The following CAMSAP1 variants were observed in gnomAD, a reference collection of about 807,000 sequenced individuals.
CAMSAP1 encodes calmodulin-regulated spectrin-associated protein 1.
A neutral mutation model predicts 143.5 loss-of-function variants in CAMSAP1; 58 were observed. That is an observed-to-expected ratio of 0.40 (90% confidence interval 0.33 to 0.50). The LOEUF is 0.50. CAMSAP1 is among the 20% of genes least tolerant of loss of function. CAMSAP1 has a pLI of 0.45. For missense variants in CAMSAP1, 1,969 were observed against 2,115.7 expected (o/e 0.93, Z 1.36); for synonymous variants, 945 against 859.3 (o/e 1.10, Z -1.74).
chr9:135,821,154 G>A lies in CAMSAP1; in HGVS notation c.3507C>T (p.Tyr1169=), dbSNP rs140270305. 5 of 1,612,170 alleles carry A rather than the reference G, an allele frequency of 3.1e-6. No individual in the cohort carries two copies. The highest frequency in any genetic ancestry group is 3.3e-5 in the Admixed American group (2 of 60,034). The change falls in exon 11 of 17, where the codon TAC becomes TAT. Residue 1169 remains tyrosine, a synonymous_variant. Coordinates refer to ENST00000389532, the MANE Select transcript of CAMSAP1 (RefSeq NM_015447.4). This position sits in a 1 kb window ranked among gnomAD's most constrained non-coding sequence, Gnocchi z 4.6. ...GCTGATTGCTTTCATCATGGAGCCTGTAACTGTCGAAGAGACACTTCCCAT... is the reference window on the plus strand; with the variant it reads ...GCTGATTGCTTTCATCATGGAGCCTATAACTGTCGAAGAGACACTTCCCAT... The part of the protein sequence containing the change: ...DPHGKCLFDS[Y]RLHDESNQRT...
intron 7 of CAMSAP1, among the ~76,000 whole-genome samples, chr9:135,837,952 C>T (rs1034376082): frequency 1.3e-5 from 2 of 149,952 alleles, no homozygotes; most frequent in African/African-American, 4.9e-5. Flanking sequence ...TCATCACACG[C>T]TTTCTACCCC....
intron 7 of CAMSAP1, among the ~76,000 whole-genome samples, chr9:135,840,584 G>C (rs941491249): frequency 6.6e-6 from 1 of 152,194 alleles, no homozygotes; most frequent in African/African-American, 2.4e-5. Context: ...GAAGGTGGCT[G>C]GCAAGATCAA....
chr9:135,893,546 G>C (rs1838354817), intron 1 of CAMSAP1, among the ~76,000 whole-genome samples: 1 of 152,206 alleles, frequency 6.6e-6, no homozygotes, highest in Non-Finnish European at 1.5e-5. Context: ...AGCATCCTGA[G>C]TGAAGAACAA....
intron 1 of CAMSAP1, among the ~76,000 whole-genome samples, chr9:135,889,044 A>G (rs1838214583): frequency 6.6e-6 from 1 of 152,168 alleles, no homozygotes; most frequent in Non-Finnish European, 1.5e-5. Flanking sequence ...GATCCCAGAG[A>G]AGAGGGGGCT....
At position 135,846,539 on chromosome 9, in the gene CAMSAP1, TAAAATA is replaced by T. The variant is rs377305984; in HGVS notation, c.1045+3592_1045+3597del. 4.2e-4 allele frequency among the ~76,000 whole-genome samples: 64 copies of T among 151,930 alleles called. No homozygotes were observed. In the East Asian group the frequency reaches 0.011, roughly 27 times the overall value. On this transcript the variant is annotated intron_variant, in intron 7 of 16. Transcript: ENST00000389532. ...GCCAAAACTGACAAATGGATCTAATTAAAATAAAGAGCTTCTGCACAGCAAAAGAAA... is the reference window on the plus strand; with the variant it reads ...GCCAAAACTGACAAATGGATCTAATTAAGAGCTTCTGCACAGCAAAAGAAA...
At chr9:135,847,339 A>G (rs546336751) in intron 7 of CAMSAP1, among the ~76,000 whole-genome samples, 2 of 152,308 alleles carry the variant, frequency 1.3e-5, no homozygotes, top group East Asian at 3.9e-4. Flanking sequence ...TGGGCAGCAG[A>G]GTGAGACTCT....
At chr9:135,856,569 G>GATGT (rs1836986578) in intron 5 of CAMSAP1, among the ~76,000 whole-genome samples, 2 of 152,166 alleles carry the variant, frequency 1.3e-5, no homozygotes, top group African/African-American at 4.8e-5. Context: ...CTATGACTAA[G>GATGT]AGGCTACAGC....
intron 3 of CAMSAP1, among the ~76,000 whole-genome samples, chr9:135,869,643 A>G (rs1296219393): frequency 6.6e-6 from 1 of 152,232 alleles, no homozygotes; most frequent in African/African-American, 2.4e-5. Flanking sequence ...TCAAAAAGCT[A>G]AACACAGAAT....
chr9:135,870,192 A>G (rs537055786), intron 3 of CAMSAP1, among the ~76,000 whole-genome samples: 2 of 152,118 alleles, frequency 1.3e-5, no homozygotes, highest in African/African-American at 2.4e-5. Context: ...TGAGGGAGGG[A>G]CGAGGTGGGA....
chr9:135,818,774 C>G lies in CAMSAP1; in HGVS notation c.3960-158G>C. ...AAGCGGGACACAGAGGCTGCAAAGGCAGTCCTGCAGATGACCCACCGAGGC... is the reference window on the plus strand; with the variant it reads ...AAGCGGGACACAGAGGCTGCAAAGGGAGTCCTGCAGATGACCCACCGAGGC... On this transcript the variant is annotated intron_variant, in intron 12 of 16. Coordinates refer to ENST00000389532, the MANE Select transcript of CAMSAP1 (RefSeq NM_015447.4). This position sits in a 1 kb window ranked among gnomAD's most constrained non-coding sequence, Gnocchi z 7.7. 6.5e-6 allele frequency: 7 copies of G among 1,081,162 alleles called. No individual in the cohort carries two copies. The highest frequency in any genetic ancestry group is 9.1e-6 in the Non-Finnish European group (7 of 769,482). The allele number at this position is 1,081,162 out of a possible 1,614,324, so 67.0% of individuals were successfully genotyped here.
chr9:135,836,858 T>C, intron 7 of CAMSAP1: 2 of 981,332 alleles, frequency 2.0e-6, no homozygotes, highest in Middle Eastern at 5.3e-4. Context: ...CATCATGCAC[T>C]TTCTACCCAT....
intron 1 of CAMSAP1, among the ~76,000 whole-genome samples, chr9:135,888,095 C>A (rs1838181340): frequency 1.3e-5 from 2 of 152,314 alleles, no homozygotes; most frequent in East Asian, 1.9e-4. Context: ...GGGCAGGGCC[C>A]AGCACAGCCA....
chr9:135,902,139 G>C (rs575089704), intron 1 of CAMSAP1, among the ~76,000 whole-genome samples: 1 of 152,204 alleles, frequency 6.6e-6, no homozygotes, highest in African/African-American at 2.4e-5. Flanking sequence ...GGACCAACTA[G>C]CAACTCCCAC....
chr9:135,881,927 T>G (rs1236440979), intron 2 of CAMSAP1, 133 bp from the exon 3 acceptor site: 2 of 1,129,440 alleles, frequency 1.8e-6, no homozygotes, highest in African/African-American at 3.1e-5. Context: ...GAAGAGATAC[T>G]CAGATTTGAG....
intron 16 of CAMSAP1, among the ~76,000 whole-genome samples, chr9:135,812,662 G>A (rs775533404): frequency 3.3e-5 from 5 of 152,190 alleles, no homozygotes; most frequent in African/African-American, 1.2e-4. Flanking sequence ...TACGGTATGT[G>A]AATGATATCT....
At chr9:135,838,403 ACAT>A (rs141442255) in intron 7 of CAMSAP1, among the ~76,000 whole-genome samples, 10,125 of 138,760 alleles carry the variant, frequency 0.073, 513 homozygotes, top group East Asian at 0.25. Context: ...CTACAGACAC[ACAT>A]CATCACGCAC....
intron 1 of CAMSAP1, among the ~76,000 whole-genome samples, chr9:135,901,600 G>A (rs1405475536): frequency 6.6e-6 from 1 of 152,120 alleles, no homozygotes; most frequent in Non-Finnish European, 1.5e-5. Flanking sequence ...GGGCAACAGA[G>A]CAAGACCCTG....
At chr9:135,857,159 C>A (rs1837008138) in intron 5 of CAMSAP1, among the ~76,000 whole-genome samples, 1 of 152,224 alleles carries the variant, frequency 6.6e-6, no homozygotes. Flanking sequence ...TGCTGGCCAC[C>A]CACTGGGTCC....
chr9:135,862,665 A>G (rs1837240613), intron 4 of CAMSAP1, 57 bp from the exon 5 acceptor site: 2 of 1,517,460 alleles, frequency 1.3e-6, no homozygotes, highest in Admixed American at 2.0e-5. Context: ...ACTACCATAT[A>G]TGTTACAGGC....
Sources: allele counts gnomAD v4.1 joint callset (sites outside exome capture counted in the v4.1 genomes callset), GRCh38; gene constraint gnomAD v4.1.1; non-coding constraint Gnocchi (gnomAD v3.1); transcripts MANE v1.5; gene names NCBI Gene and HGNC (gene_info 2026-07-23, HGNC 2026-07-21).